Variants in GLRB observed in about 807,000 individuals in gnomAD.
The protein encoded by GLRB is glycine receptor subunit beta.
A neutral mutation model predicts 54.2 loss-of-function variants in GLRB; 33 were observed. That is an observed-to-expected ratio of 0.61 (90% CI 0.46 to 0.81). GLRB has a LOEUF of 0.81. Ranked by LOEUF, GLRB falls within the 40% of genes least tolerant of loss-of-function variation. GLRB has a pLI of 0.00. For synonymous variants in GLRB, 209 were observed against 208.2 expected (o/e 1.00, Z -0.03); for missense variants, 572 against 584.6 (o/e 0.98, Z 0.22).
intron 2 of GLRB, among the ~76,000 whole-genome samples, chr4:157,104,839 T>C (rs1735162061): frequency 6.6e-6 from 1 of 151,968 alleles, no homozygotes; most frequent in Non-Finnish European, 1.5e-5. Flanking sequence ...AGTTTGTTGG[T>C]ATGTAATTTT....
intron 2 of GLRB, among the ~76,000 whole-genome samples, chr4:157,101,572 C>A (rs939296561): frequency 2.0e-5 from 3 of 152,054 alleles, no homozygotes; most frequent in Admixed American, 6.6e-5. Flanking sequence ...AAGACTAATT[C>A]GGATGAGATT....
At chr4:157,124,184 A>G (rs1224171476) in intron 4 of GLRB, among the ~76,000 whole-genome samples, 1 of 151,776 alleles carries the variant, frequency 6.6e-6, no homozygotes, top group Non-Finnish European at 1.5e-5. Flanking sequence ...GACCCATCCC[A>G]GTAGTTAGCC....
intron 2 of GLRB, among the ~76,000 whole-genome samples, chr4:157,116,613 A>G (rs1251793237): frequency 6.6e-6 from 1 of 151,744 alleles, no homozygotes; most frequent in East Asian, 1.9e-4. Flanking sequence ...GTTACATGCA[A>G]ATTGTTTTAA....
chr4:157,168,324 T>C (rs1374515280), intron 9 of GLRB, among the ~76,000 whole-genome samples: 1 of 152,172 alleles, frequency 6.6e-6, no homozygotes, highest in Admixed American at 6.5e-5. Flanking sequence ...ATTGGCCTAC[T>C]TCTTGACACA....
intron 2 of GLRB, among the ~76,000 whole-genome samples, chr4:157,120,053 A>T (rs952774896): frequency 5.3e-5 from 8 of 151,798 alleles, no homozygotes; most frequent in Non-Finnish European, 7.4e-5. Context: ...CTATGCAGCC[A>T]TAAAAAATGG....
chr4:157,148,540 T>C (rs1160804524), intron 8 of GLRB, among the ~76,000 whole-genome samples: 1 of 152,214 alleles, frequency 6.6e-6, no homozygotes, highest in African/African-American at 2.4e-5. Context: ...TTAACTTCAG[T>C]ACACAAATTT....
intron 8 of GLRB, among the ~76,000 whole-genome samples, chr4:157,144,263 G>A (rs1033686970): frequency 9.9e-5 from 15 of 152,128 alleles, no homozygotes; most frequent in Non-Finnish European, 2.1e-4. Context: ...ACCTTCGGTA[G>A]TGCCAAACTT....
intron 4 of GLRB, among the ~76,000 whole-genome samples, chr4:157,131,028 TGAA>T (rs994647864): frequency 4.1e-5 from 6 of 146,836 alleles, no homozygotes; most frequent in African/African-American, 1.5e-4. Flanking sequence ...GGCATAGTCT[TGAA>T]GAATTTTTTT....
chr4:157,143,765 TG>T, intron 7 of GLRB, 41 bp from the exon 8 acceptor site: 1 of 1,588,276 alleles, frequency 6.3e-7, no homozygotes, highest in Non-Finnish European at 8.6e-7. Flanking sequence ...CCATTCTGTG[TG>T]GGTGAAAACC....
intron 7 of GLRB, among the ~76,000 whole-genome samples, chr4:157,143,429 C>T (rs1302780441): frequency 6.6e-6 from 1 of 151,734 alleles, no homozygotes; most frequent in Non-Finnish European, 1.5e-5. Context: ...ATTTGTTCTA[C>T]TTTGATTTAC....
rs146321769 is a variant in GLRB at position 157,138,851 on chromosome 4, G to A, written c.653G>A (p.Gly218Glu). The A allele has an allele frequency of 1.3e-6, 2 of 1,565,206 alleles. No homozygotes were observed. The highest frequency in any genetic ancestry group is 1.7e-5 in the Admixed American group (1 of 59,906). The change falls in exon 7 of 10, where the codon GGA becomes GAA. Residue 218 changes from glycine (G) to glutamate (E), a missense_variant. By Grantham distance (98) the Gly-to-Glu change is moderately conservative. Transcript: ENST00000264428. ...TDDLRFIWQSGDPVQLEKIAL... is the reference protein window; with the variant it reads ...TDDLRFIWQSEDPVQLEKIAL... ...GATTTACGATTTATCTGGCAGTCAG[G>A]AGATCCTGTGCAATTAGAAAAAATT...
intron 9 of GLRB, among the ~76,000 whole-genome samples, chr4:157,158,071 A>G (rs1291071456): frequency 8.5e-5 from 13 of 152,126 alleles, no homozygotes; most frequent in Non-Finnish European, 1.9e-4. Flanking sequence ...TTTGATTTGC[A>G]TTTCTCTGAT....
intron 9 of GLRB, among the ~76,000 whole-genome samples, chr4:157,157,169 G>A (rs1737264453): frequency 6.6e-6 from 1 of 152,096 alleles, no homozygotes; most frequent in Non-Finnish European, 1.5e-5. Context: ...ACCTCAGCGT[G>A]GAAGAGGAGG....
chr4:157,097,478 T>C (rs1238742015), intron 2 of GLRB, among the ~76,000 whole-genome samples: 2 of 152,186 alleles, frequency 1.3e-5, no homozygotes. Context: ...GTATGAGAGA[T>C]ACAAGTATAG....
chr4:157,078,442 G>A (rs1734115950), intron 2 of GLRB, among the ~76,000 whole-genome samples: 1 of 151,898 alleles, frequency 6.6e-6, no homozygotes, highest in Non-Finnish European at 1.5e-5. Flanking sequence ...TATGCTAAAT[G>A]TGCTGTGCAA....
chr4:157,088,543 T>C (rs1443305639), intron 2 of GLRB, among the ~76,000 whole-genome samples: 1 of 152,172 alleles, frequency 6.6e-6, no homozygotes, highest in African/African-American at 2.4e-5. Context: ...TTTTATCTTG[T>C]TCCTTTCAGT....
rs1303143455 is a variant in GLRB, at chr4:157,076,261, G to C, written c.-66G>C. The C allele has an allele frequency of 1.3e-5, 2 of 151,388 alleles. No individual in the cohort carries two copies. Among genetic ancestry groups the C allele is most frequent in the South Asian group, 2.1e-4 (1 of 4,832 alleles). 9.4% of individuals were successfully genotyped at this position (151,388 alleles called of 1,614,324 possible). On this transcript the variant is annotated 5_prime_UTR_variant, in exon 1 of 10. Transcript: ENST00000264428. Reference sequence around the variant, plus strand: ...TGCCACCTGGGCCCGGAGCCTCCACGATCTCGCCCGGCGATTGTGGGCAGG... The same window carrying C: ...TGCCACCTGGGCCCGGAGCCTCCACCATCTCGCCCGGCGATTGTGGGCAGG...
intron 2 of GLRB, among the ~76,000 whole-genome samples, chr4:157,099,763 GT>G (rs1365740171): frequency 6.6e-6 from 1 of 152,148 alleles, no homozygotes; most frequent in East Asian, 1.9e-4. Context: ...GATATGGACA[GT>G]TTTCAAATTA....
chr4:157,098,547 A>C (rs1169471630), intron 2 of GLRB, among the ~76,000 whole-genome samples: 1 of 152,144 alleles, frequency 6.6e-6, no homozygotes, highest in African/African-American at 2.4e-5. Flanking sequence ...GGGGCCATTA[A>C]GGAGAGTTAG....
Sources: allele counts gnomAD v4.1 joint callset (sites outside exome capture counted in the v4.1 genomes callset), GRCh38; gene constraint gnomAD v4.1.1; transcripts MANE v1.5; gene names NCBI Gene and HGNC (gene_info 2026-07-23, HGNC 2026-07-21).